The following ITGA1 variants were observed in gnomAD, a reference collection of about 807,000 sequenced individuals.
ITGA1 encodes the protein integrin subunit alpha 1, also known as integrin alpha-1.
Under a neutral mutation model 145.9 loss-of-function variants are expected in ITGA1, and 85 were observed. The ratio of observed to expected loss-of-function variants is 0.58; its 90% confidence interval spans 0.49 to 0.70. ITGA1 has a LOEUF of 0.70. ITGA1 is among the 30% of genes least tolerant of loss of function. ITGA1 has a pLI of 0.00. For missense variants in ITGA1, 1,351 were observed against 1,418.7 expected (o/e 0.95, Z 0.77); for synonymous variants, 520 against 495.3 (o/e 1.05, Z -0.66).
chr5:52,867,785 T>G (rs1749711581), intron 6 of ITGA1, among the ~76,000 whole-genome samples: 1 of 152,092 alleles, frequency 6.6e-6, no homozygotes, highest in Admixed American at 6.6e-5. Context: ...TTTAAGGTCT[T>G]TCTGCTTGCT....
chr5:52,918,969 A>T, intron 16 of ITGA1, 71 bp downstream of exon 16: 1 of 1,278,952 alleles, frequency 7.8e-7, no homozygotes, highest in Non-Finnish European at 1.1e-6. Context: ...GATGAAGTCC[A>T]GTAGGATATT....
chr5:52,882,032 A>G lies in ITGA1; in HGVS notation c.773+11A>G, dbSNP rs1208909394. 5 of 1,549,860 alleles carry G rather than the reference A, an allele frequency of 3.2e-6. No homozygotes were observed. In the Admixed American group the frequency reaches 9.9e-5, roughly 31 times the overall value. ...AATAGACACAGCAAGGTATATGGAT[A>G]AAAAAATAAACTAAAGTAAAAGACT... On this transcript the variant is annotated intron_variant, in intron 7 of 28. Coordinates refer to ENST00000282588, the MANE Select transcript of ITGA1 (RefSeq NM_181501.2).
chr5:52,949,149 G>C lies in ITGA1; in HGVS notation c.3495+1688G>C, dbSNP rs200347472. 8.5e-5 allele frequency among the ~76,000 whole-genome samples: 13 copies of C among 152,212 alleles called. No homozygotes were observed. In the East Asian group the frequency reaches 2.5e-3, roughly 29 times the overall value. On this transcript the variant is annotated intron_variant, in intron 28 of 28. Transcript: ENST00000282588. ...TTCAGCCACTTCATTGGGAGGCCCA[G>C]CAATCAGAACTGTGATTCTAAGGTA...
At chr5:52,910,682 A>C (rs1405393497) in intron 14 of ITGA1, among the ~76,000 whole-genome samples, 2 of 147,354 alleles carry the variant, frequency 1.4e-5, no homozygotes, top group Non-Finnish European at 3.0e-5. Flanking sequence ...TATACACACT[A>C]TATATACTAT....
intron 1 of ITGA1, among the ~76,000 whole-genome samples, chr5:52,842,302 A>G (rs1749267075): frequency 1.3e-5 from 2 of 152,188 alleles, no homozygotes; most frequent in Admixed American, 1.3e-4. Flanking sequence ...AGAAGGCCTG[A>G]CACCCTCATC....
intron 19 of ITGA1, among the ~76,000 whole-genome samples, chr5:52,926,834 C>A (rs1218685483): frequency 6.6e-6 from 1 of 152,078 alleles, no homozygotes; most frequent in Non-Finnish European, 1.5e-5. Context: ...TGAGTCACAT[C>A]ATGGTTTAGG....
At chr5:52,911,981 C>CTATATAT (rs1750554794) in intron 14 of ITGA1, among the ~76,000 whole-genome samples, 1 of 68,630 alleles carries the variant, frequency 1.5e-5, no homozygotes, top group Non-Finnish European at 3.3e-5. Flanking sequence ...ACTATATATA[C>CTATATAT]TATATGTATA....
At chr5:52,898,808 T>A (rs1048802255) in intron 11 of ITGA1, among the ~76,000 whole-genome samples, 1 of 152,150 alleles carries the variant, frequency 6.6e-6, no homozygotes, top group African/African-American at 2.4e-5. Flanking sequence ...TCTCTATGGG[T>A]CCTAATTTGG....
At chr5:52,825,199 C>T (rs1748940858) in intron 1 of ITGA1, 1 of 152,154 alleles carries the variant, frequency 6.6e-6, no homozygotes, top group Non-Finnish European at 1.5e-5. Context: ...TGAAATCAGA[C>T]AATAAAAAGG....
chr5:52,912,896 G>A (rs577148674), intron 14 of ITGA1, among the ~76,000 whole-genome samples: 24 of 151,758 alleles, frequency 1.6e-4, no homozygotes, highest in Non-Finnish European at 2.7e-4. Context: ...ACAGGCTCCC[G>A]CCACCACGCC....
chr5:52,834,575 A>AAGAAAGAGAGAAGAC, intron 1 of ITGA1, among the ~76,000 whole-genome samples: 1 of 149,784 alleles, frequency 6.7e-6, no homozygotes, highest in Non-Finnish European at 1.5e-5. Context: ...AGAGAGAAGA[A>AAGAAAGAGAGAAGAC]AGAAAGAAAG....
intron 1 of ITGA1, among the ~76,000 whole-genome samples, chr5:52,832,998 C>A (rs907458482): frequency 5.3e-5 from 8 of 151,610 alleles, no homozygotes; most frequent in Non-Finnish European, 1.2e-4. Flanking sequence ...TCGAGACCAG[C>A]CTGGCCAACA....
At chr5:52,788,533 G>A in intron 1 of ITGA1, 119 bp downstream of exon 1, 2 of 770,972 alleles carry the variant, frequency 2.6e-6, no homozygotes, top group Non-Finnish European at 3.8e-6. Context: ...CCACTTTCGG[G>A]CATTCCAGGT....
chr5:52,839,559 T>A (rs1561223849), intron 1 of ITGA1, among the ~76,000 whole-genome samples: 1 of 152,332 alleles, frequency 6.6e-6, no homozygotes, highest in South Asian at 2.1e-4. Flanking sequence ...TGTCCATTCA[T>A]GCCTTAAAAG....
chr5:52,850,044 C>G (rs1749404687), intron 2 of ITGA1, among the ~76,000 whole-genome samples: 1 of 150,040 alleles, frequency 6.7e-6, no homozygotes, highest in Non-Finnish European at 1.5e-5. Flanking sequence ...GCTCTGTCAC[C>G]CAGGCTGGAG....
intron 1 of ITGA1, among the ~76,000 whole-genome samples, chr5:52,821,322 A>C (rs1266225251): frequency 6.6e-6 from 1 of 152,198 alleles, no homozygotes; most frequent in African/African-American, 2.4e-5. Flanking sequence ...TCCGAAGTCT[A>C]GGAACCTATG....
At chr5:52,865,185 A>C (rs1324340560) in intron 5 of ITGA1, 103 bp downstream of exon 5, 6 of 789,746 alleles carry the variant, frequency 7.6e-6, no homozygotes, top group Non-Finnish European at 1.2e-5. Flanking sequence ...GTATTTTCTT[A>C]GCTACCAGCA....
chr5:52,933,073 T>C (rs1412959236), intron 22 of ITGA1: 1 of 152,080 alleles, frequency 6.6e-6, no homozygotes, highest in Non-Finnish European at 1.5e-5. Context: ...AAGTAATATA[T>C]AGCAACTAAA....
chr5:52,950,204 A>G (rs1022122973), intron 28 of ITGA1, among the ~76,000 whole-genome samples: 1 of 152,164 alleles, frequency 6.6e-6, no homozygotes, highest in Non-Finnish European at 1.5e-5. Flanking sequence ...AGATGCCAGC[A>G]CACCAGGAGC....
Sources: allele counts gnomAD v4.1 joint callset (sites outside exome capture counted in the v4.1 genomes callset), GRCh38; gene constraint gnomAD v4.1.1; transcripts MANE v1.5; gene names NCBI Gene and HGNC (gene_info 2026-07-23, HGNC 2026-07-21).